Variants in SEMA5B observed in about 807,000 individuals in gnomAD.
SEMA5B encodes the protein semaphorin 5B, also known as semaphorin-5B.
Under a neutral mutation model 135.0 loss-of-function variants are expected in SEMA5B, and 66 were observed. The observed-to-expected ratio is 0.49, with a 90% CI of 0.40 to 0.60. SEMA5B has a LOEUF of 0.60. Among genes scored for constraint, SEMA5B ranks in the 20% least tolerant of loss-of-function variants. SEMA5B has a pLI of 0.00. For missense variants in SEMA5B, 1,501 were observed against 1,566.3 expected (o/e 0.96, Z 0.70); for synonymous variants, 690 against 639.5 (o/e 1.08, Z -1.19).
intron 8 of SEMA5B, among the ~76,000 whole-genome samples, chr3:122,926,991 C>A (rs745912621): frequency 7.9e-5 from 12 of 152,234 alleles, no homozygotes; most frequent in Non-Finnish European, 1.5e-4. Flanking sequence ...ACAGATACAA[C>A]ATTGTGGCAC....
intron 1 of SEMA5B, among the ~76,000 whole-genome samples, chr3:123,002,911 GGA>G (rs1942216755): frequency 6.6e-6 from 1 of 152,070 alleles, no homozygotes; most frequent in South Asian, 2.1e-4. Context: ...ACTTATTTCC[GGA>G]GATAAGGATG....
At chr3:122,939,590 A>G in intron 4 of SEMA5B, 120 bp from the exon 5 acceptor site, 2 of 725,254 alleles carry the variant, frequency 2.8e-6, no homozygotes, top group South Asian at 3.2e-5. Context: ...CCTAGGGTCA[A>G]CCCCTAAGGA....
intron 1 of SEMA5B, among the ~76,000 whole-genome samples, chr3:122,966,382 A>T (rs1037720463): frequency 6.6e-6 from 1 of 152,146 alleles, no homozygotes; most frequent in Non-Finnish European, 1.5e-5. Flanking sequence ...TCCTAAAAAG[A>T]ATAGTCCCAG....
chr3:122,913,671 C>T lies in SEMA5B; in HGVS notation c.2143G>A (p.Glu715Lys). The change falls in exon 16 of 23, where the codon GAG (glutamate) becomes AAG (lysine). Residue 715 changes from glutamate (E) to lysine (K), a missense_variant. This residue lies in a region of SEMA5B where 927 missense variants were observed against 881.6 expected (regional missense o/e 1.05). Coordinates refer to ENST00000357599, the MANE Select transcript of SEMA5B (RefSeq NM_001031702.4). ...GKSREERFCN[E>K]NTPCPVPIFW... Reference sequence around the variant, plus strand: ...ATGGGCACCGGGCAAGGCGTGTTCTCATTACAGAACCTGGGGTCGGGGGAG... The same window carrying T: ...ATGGGCACCGGGCAAGGCGTGTTCTTATTACAGAACCTGGGGTCGGGGGAG... The T allele has an allele frequency of 6.2e-7, 1 of 1,613,644 alleles. No individual in the cohort carries two copies. The highest frequency in any genetic ancestry group is 1.1e-5 in the South Asian group (1 of 91,058).
At position 122,909,624 on chromosome 3, in the gene SEMA5B, C is replaced by G. The variant is rs1184357923; in HGVS notation, c.*519G>C. 1 of 154,070 alleles carries G rather than the reference C, an allele frequency of 6.5e-6. No homozygotes were observed. Among genetic ancestry groups the G allele is most frequent in the African/African-American group, 2.4e-5 (1 of 41,476 alleles). The allele number at this position is 154,070 out of a possible 1,614,324, so 9.5% of individuals were successfully genotyped here. On this transcript the variant is annotated 3_prime_UTR_variant, in exon 23 of 23. Transcript: ENST00000357599. ...GCGCTGGCCTTGGTCCCATGTCATACTGGGGCAGCACCACAATGGCCCAGC... is the reference window on the plus strand; with the variant it reads ...GCGCTGGCCTTGGTCCCATGTCATAGTGGGGCAGCACCACAATGGCCCAGC...
chr3:122,939,088 G>C (rs1165617562), intron 5 of SEMA5B, among the ~76,000 whole-genome samples: 1 of 152,222 alleles, frequency 6.6e-6, no homozygotes, highest in African/African-American at 2.4e-5. Flanking sequence ...TATTGTCCCA[G>C]TTTTTGCACT....
chr3:122,911,474 G>C lies in SEMA5B; in HGVS notation c.3091+17C>G, dbSNP rs1190911425. 3 of 1,603,106 alleles carry C rather than the reference G, an allele frequency of 1.9e-6. No individual in the cohort carries two copies. The South Asian group carries it at 3.4e-5, about 18-fold the overall frequency. On this transcript the variant is annotated intron_variant, in intron 21 of 22. Coordinates refer to ENST00000357599, the MANE Select transcript of SEMA5B (RefSeq NM_001031702.4). ...GCTGGGAGGACCGCAGCATGAGGTAGGTCCGGTTTCTTTTACCTGCACAGT... is the reference window on the plus strand; with the variant it reads ...GCTGGGAGGACCGCAGCATGAGGTACGTCCGGTTTCTTTTACCTGCACAGT...
intron 1 of SEMA5B, among the ~76,000 whole-genome samples, chr3:123,007,093 A>G (rs1025028450): frequency 5.3e-5 from 8 of 152,172 alleles, no homozygotes; most frequent in African/African-American, 1.9e-4. Flanking sequence ...CCCTCTGAGC[A>G]TGGGGCAAAT....
chr3:122,923,566 C>A, intron 10 of SEMA5B, 51 bp downstream of exon 10: 1 of 1,606,628 alleles, frequency 6.2e-7, no homozygotes, highest in Non-Finnish European at 8.5e-7. Context: ...GGCTGGTAAT[C>A]TGGGGGTAAG....
intron 1 of SEMA5B, among the ~76,000 whole-genome samples, chr3:122,971,993 G>A (rs60194951): frequency 4.1e-4 from 62 of 152,310 alleles, no homozygotes; most frequent in African/African-American, 1.2e-3. Flanking sequence ...CACTGAGAGC[G>A]GAACAAGCAC....
intron 1 of SEMA5B, among the ~76,000 whole-genome samples, chr3:123,024,927 G>GTT (rs1942765091): frequency 6.6e-6 from 1 of 152,178 alleles, no homozygotes; most frequent in Non-Finnish European, 1.5e-5. Flanking sequence ...AACACACTGT[G>GTT]ACCTGCCTGC....
intron 1 of SEMA5B, among the ~76,000 whole-genome samples, chr3:123,020,161 A>T (rs1056489622): frequency 3.9e-5 from 6 of 152,242 alleles, no homozygotes; most frequent in Admixed American, 2.0e-4. Context: ...TATTTATAAT[A>T]GTGAAAAATG....
intron 1 of SEMA5B, among the ~76,000 whole-genome samples, chr3:122,986,015 G>A (rs1941685401): frequency 6.6e-6 from 1 of 152,102 alleles, no homozygotes; most frequent in Non-Finnish European, 1.5e-5. Context: ...GGGCTGATTA[G>A]ATAAAATTCT....
intron 1 of SEMA5B, among the ~76,000 whole-genome samples, chr3:122,969,212 C>T (rs796914570): frequency 9.2e-5 from 14 of 152,312 alleles, no homozygotes; most frequent in African/African-American, 3.4e-4. Flanking sequence ...TCCAAAGTCA[C>T]ACCAGAAGTG....
At chr3:122,945,470 C>T (rs1007549816) in intron 3 of SEMA5B, among the ~76,000 whole-genome samples, 4 of 152,194 alleles carry the variant, frequency 2.6e-5, no homozygotes, top group African/African-American at 9.7e-5. Flanking sequence ...TACAACCTCT[C>T]CACCCTGATC....
intron 1 of SEMA5B, among the ~76,000 whole-genome samples, chr3:122,981,276 C>T (rs1482640487): frequency 1.6e-5 from 2 of 126,422 alleles, no homozygotes; most frequent in African/African-American, 3.6e-5. Context: ...CTAGGCCCCT[C>T]GGGGCTTGTG....
rs761962619 is a variant in SEMA5B at position 122,910,179 on chromosome 3, C to G, written c.3420G>C (p.Glu1140Asp). The change falls in exon 23 of 23, where the codon GAG (glutamate) becomes GAC (aspartate). Residue 1140 changes from glutamate (E) to aspartate (D), a missense_variant. Transcript: ENST00000357599. ...GGAAGCACCGTTGTCCAGGTGAGGC[C>G]TCGGGCCGGAAGCTGTGTTTGTTCA... ...SPLNKHSFRP[E>D]ASPGQRCFPN... is the part of the protein sequence containing the mutation. 11 of 1,614,210 alleles carry G rather than the reference C, an allele frequency of 6.8e-6. No homozygotes were observed. The highest frequency in any genetic ancestry group is 9.3e-6 in the Non-Finnish European group (11 of 1,180,034).
intron 1 of SEMA5B, among the ~76,000 whole-genome samples, chr3:123,009,932 C>T (rs1942397907): frequency 6.6e-6 from 1 of 152,162 alleles, no homozygotes; most frequent in Admixed American, 6.5e-5. Flanking sequence ...AAATGAAGCT[C>T]ATAGCAGGGA....
At chr3:122,967,936 G>A (rs372552976) in intron 1 of SEMA5B, among the ~76,000 whole-genome samples, 106 of 152,280 alleles carry the variant, frequency 7.0e-4, no homozygotes, top group African/African-American at 2.2e-3. Context: ...CTCACTCTGC[G>A]TGCACAAGAG....
Sources: allele counts gnomAD v4.1 joint callset (sites outside exome capture counted in the v4.1 genomes callset), GRCh38; gene constraint gnomAD v4.1.1; regional missense constraint gnomAD v4.1.1; transcripts MANE v1.5; gene names NCBI Gene and HGNC (gene_info 2026-07-23, HGNC 2026-07-21).